The following PACRG variants were observed in gnomAD, a reference collection of about 807,000 sequenced individuals.
PACRG encodes the protein parkin coregulated.
Under a neutral mutation model 29.7 loss-of-function variants are expected in PACRG, and 29 were observed. The ratio of observed to expected loss-of-function variants is 0.98; its 90% confidence interval spans 0.73 to 1.33. The LOEUF is 1.33. PACRG is among the 40% of genes most tolerant of loss of function. The pLI, the probability that PACRG is intolerant of heterozygous loss-of-function variation, is 0.00. For missense variants in PACRG, 279 were observed against 316.2 expected (o/e 0.88, Z 0.89); for synonymous variants, 116 against 118.7 (o/e 0.98, Z 0.15).
At chr6:163,274,857 C>CTT (rs1783969612) in intron 4 of PACRG, among the ~76,000 whole-genome samples, 1 of 89,678 alleles carries the variant, frequency 1.1e-5, no homozygotes, top group African/African-American at 5.2e-5. Flanking sequence ...TTCTTTCTTT[C>CTT]TTTCTTTTTT....
chr6:162,873,771 C>G (rs1187822773), intron 2 of PACRG, among the ~76,000 whole-genome samples: 1 of 152,166 alleles, frequency 6.6e-6, no homozygotes, highest in East Asian at 1.9e-4. Context: ...TGACTCACAT[C>G]TTATCATCAG....
chr6:162,875,260 C>A, intron 2 of PACRG, among the ~76,000 whole-genome samples: 1 of 151,652 alleles, frequency 6.6e-6, no homozygotes, highest in East Asian at 1.9e-4. Context: ...CACAGACATG[C>A]ACACACAGTC....
intron 2 of PACRG, among the ~76,000 whole-genome samples, chr6:162,996,658 G>A (rs540632611): frequency 1.3e-5 from 2 of 152,098 alleles, no homozygotes; most frequent in South Asian, 2.1e-4. Context: ...ATAGCATGTG[G>A]AATTTATACA....
chr6:162,877,053 A>G (rs1044523026), intron 2 of PACRG, among the ~76,000 whole-genome samples: 1 of 152,200 alleles, frequency 6.6e-6, no homozygotes, highest in African/African-American at 2.4e-5. Flanking sequence ...CTAGAACCAG[A>G]AATACCATTT....
At chr6:162,995,704 C>T (rs144317295) in intron 2 of PACRG, among the ~76,000 whole-genome samples, 1,724 of 152,336 alleles carry the variant, frequency 0.011, 17 homozygotes, top group Non-Finnish European at 0.019. Context: ...CCGTCTTCTG[C>T]GTCGCTCACG....
intron 4 of PACRG, among the ~76,000 whole-genome samples, chr6:163,274,300 C>T (rs890981667): frequency 4.6e-5 from 7 of 152,054 alleles, no homozygotes; most frequent in African/African-American, 1.2e-4. Flanking sequence ...TTTGTCCTTG[C>T]GATAGTTTGC....
At chr6:163,170,541 C>T (rs1779028826) in intron 4 of PACRG, 3 of 152,252 alleles carry the variant, frequency 2.0e-5, no homozygotes, top group East Asian at 3.9e-4. Context: ...CTCTCAAGGA[C>T]TCACCCTACT....
At chr6:163,230,287 A>AT (rs1781971653) in intron 4 of PACRG, among the ~76,000 whole-genome samples, 1 of 152,240 alleles carries the variant, frequency 6.6e-6, no homozygotes. Flanking sequence ...ATGTTAGGAA[A>AT]TTATGCCCCT....
At chr6:163,007,882 G>T (rs1805264639) in intron 2 of PACRG, among the ~76,000 whole-genome samples, 1 of 152,042 alleles carries the variant, frequency 6.6e-6, no homozygotes, top group African/African-American at 2.4e-5. Context: ...TGGGCATTTT[G>T]GTCCCAGGTC....
At chr6:162,903,508 CGGCA>C (rs889427479) in intron 2 of PACRG, among the ~76,000 whole-genome samples, 9 of 152,062 alleles carry the variant, frequency 5.9e-5, no homozygotes, top group East Asian at 1.9e-4. Flanking sequence ...TCTTACATGG[CGGCA>C]GGCAAGAGAG....
intron 4 of PACRG, among the ~76,000 whole-genome samples, chr6:163,158,205 A>G (rs1451525500): frequency 6.6e-6 from 1 of 152,196 alleles, no homozygotes; most frequent in Non-Finnish European, 1.5e-5. Flanking sequence ...GACTGTATTA[A>G]GAATTGTACC....
chr6:163,162,478 A>G (rs7743216), intron 4 of PACRG, among the ~76,000 whole-genome samples: 4,785 of 152,296 alleles, frequency 0.031, 109 homozygotes, highest in African/African-American at 0.058. Flanking sequence ...CAGGCTTTTC[A>G]GCTTTCATTT....
Position 163,055,052 on chromosome 6 carries a change from A to T in PACRG, c.292-7098A>T, listed in dbSNP as rs1473231525. 1.3e-5 allele frequency among the ~76,000 whole-genome samples: 2 copies of T among 152,312 alleles called. No individual in the cohort carries two copies. The highest frequency in any genetic ancestry group is 2.9e-5 in the Non-Finnish European group (2 of 68,022). On this transcript the variant is annotated intron_variant, in intron 2 of 4. Coordinates refer to ENST00000366888, the MANE Select transcript of PACRG (RefSeq NM_001080379.2). The surrounding 1 kb of genome is among the most constrained non-coding windows in gnomAD (Gnocchi z 4.0). ...TCAAGGATTAGACACAAAGAAAGTC[A>T]CTGGTGACCTTGATAAAAGCAACTT...
intron 2 of PACRG, among the ~76,000 whole-genome samples, chr6:162,849,058 G>C (rs1790644905): frequency 6.6e-6 from 1 of 152,176 alleles, no homozygotes; most frequent in Non-Finnish European, 1.5e-5. Context: ...CAAGAGAAGG[G>C]CTGGGGGCAG....
At chr6:163,210,865 T>C (rs1258867140) in intron 4 of PACRG, among the ~76,000 whole-genome samples, 1 of 152,218 alleles carries the variant, frequency 6.6e-6, no homozygotes, top group African/African-American at 2.4e-5. Context: ...AAAATGTGGT[T>C]CATCCCAAGG....
chr6:163,289,939 C>T (rs1157128255), intron 4 of PACRG, among the ~76,000 whole-genome samples: 2 of 152,120 alleles, frequency 1.3e-5, no homozygotes, highest in Non-Finnish European at 2.9e-5. Context: ...CCTCCGCCTC[C>T]CAGGTTCAAG....
intron 1 of PACRG, among the ~76,000 whole-genome samples, chr6:162,729,039 T>C (rs1779524119): frequency 6.6e-6 from 1 of 152,166 alleles, no homozygotes; most frequent in African/African-American, 2.4e-5. Flanking sequence ...AATTCATATT[T>C]CATCTCTATT....
At chr6:162,899,903 G>T (rs760711336) in intron 2 of PACRG, among the ~76,000 whole-genome samples, 24 of 152,148 alleles carry the variant, frequency 1.6e-4, no homozygotes, top group Non-Finnish European at 2.8e-4. Flanking sequence ...AGGTCTGAGC[G>T]CAAGGAAGAG....
intron 2 of PACRG, among the ~76,000 whole-genome samples, chr6:162,947,324 A>ATATGATATATATAT (rs1562765417): frequency 2.4e-5 from 2 of 84,764 alleles, no homozygotes; most frequent in African/African-American, 8.2e-5. Context: ...CATATATAAT[A>ATATGATATATATAT]CATATAATCA....
Sources: gnomAD v4.1 joint callset for allele counts (sites outside exome capture counted in the v4.1 genomes callset) on GRCh38, gnomAD v4.1.1 for gene constraint, Gnocchi (gnomAD v3.1) non-coding constraint, MANE v1.5 for transcripts, NCBI Gene and HGNC (gene_info 2026-07-23, HGNC 2026-07-21) for gene names.